The following TNS3 variants were observed in gnomAD, a reference collection of about 807,000 sequenced individuals.
The protein encoded by TNS3 is tensin 3.
A neutral mutation model predicts 140.9 loss-of-function variants in TNS3; 45 were observed. That is an observed-to-expected ratio of 0.32 (90% CI 0.25 to 0.41). The LOEUF (loss-of-function observed/expected upper bound fraction) is 0.41, where lower values mean the gene tolerates loss of function less well. Among genes scored for constraint, TNS3 ranks in the 10% least tolerant of loss-of-function variants. The pLI is 1.00. For missense variants in TNS3, 1,716 were observed against 1,906.7 expected, an observed-to-expected ratio of 0.90 and a Z score of 1.86; for synonymous variants, 815 against 788.4, an observed-to-expected ratio of 1.03 and a Z score of -0.56.
chr7:47,534,289 AT>A (rs1366112409), intron 1 of TNS3, among the ~76,000 whole-genome samples: 1 of 151,982 alleles, frequency 6.6e-6, no homozygotes, highest in Non-Finnish European at 1.5e-5. Context: ...AAAAGAAAAA[AT>A]AAATAAAGTA....
intron 16 of TNS3, among the ~76,000 whole-genome samples, chr7:47,374,313 T>C (rs1030964763): frequency 6.6e-6 from 1 of 152,186 alleles, no homozygotes; most frequent in Non-Finnish European, 1.5e-5. Context: ...GGCACCATGC[T>C]ATCTGCCATT....
chr7:47,562,394 T>C (rs1434264193), intron 1 of TNS3, among the ~76,000 whole-genome samples: 2 of 152,054 alleles, frequency 1.3e-5, no homozygotes, highest in Non-Finnish European at 2.9e-5. Flanking sequence ...CCTTTTTTTT[T>C]TTTTTTTCCC....
intron 4 of TNS3, among the ~76,000 whole-genome samples, chr7:47,447,589 T>A (rs544508440): frequency 6.6e-6 from 1 of 152,242 alleles, no homozygotes; most frequent in East Asian, 1.9e-4. Flanking sequence ...AATCCACGCA[T>A]GGCACACTAG....
At chr7:47,372,882 G>A (rs889231065) in intron 16 of TNS3, among the ~76,000 whole-genome samples, 3 of 152,162 alleles carry the variant, frequency 2.0e-5, no homozygotes, top group South Asian at 2.1e-4. Context: ...AATGTTAAAC[G>A]TACAGGAAAA....
At chr7:47,496,296 A>G (rs1798005373) in intron 3 of TNS3, among the ~76,000 whole-genome samples, 1 of 152,200 alleles carries the variant, frequency 6.6e-6, no homozygotes, top group South Asian at 2.1e-4. Flanking sequence ...GAAAGGGGCC[A>G]AGGGCTCCTG....
rs115946545 is a variant in TNS3, at chr7:47,417,317, G to A, written c.474-2111C>T. Among the ~76,000 whole-genome samples the A allele has an allele frequency of 6.1e-3, 933 of 152,370 alleles. 10 individuals are homozygous for A. The highest frequency in any genetic ancestry group is 0.021 in the African/African-American group (865 of 41,582). On this transcript the variant is annotated intron_variant, in intron 10 of 30. Transcript: ENST00000311160. ...AGCTTCATTTCTGCTGATGTGGCCT[G>A]GCCGAAATTGTTGCCCCTGACACCA...
In TNS3 at chr7:47,368,709, C is replaced by G. The variant is rs779285665; in HGVS notation, c.1937G>C (p.Gly646Ala). 1 of 1,578,226 alleles carries G rather than the reference C, an allele frequency of 6.3e-7. No individual in the cohort carries two copies. The highest frequency in any genetic ancestry group is 8.6e-7 in the Non-Finnish European group (1 of 1,161,686). ...GTSSRVAVQR[G>A]VGSGPHPPDT... ...AGGGGGATGTGGCCCACTGCCTACA[C>G]CCCTCTGGACAGCCACCCTACTGCT... The change falls in exon 17 of 31, where the codon GGT becomes GCT. Residue 646 changes from glycine to alanine, a missense_variant. Physicochemically the swap from Gly to Ala is moderately conservative, Grantham distance 60. Around this residue, in one of 3 missense-constraint regions of TNS3, gnomAD observed 1,163 missense variants for 1,182.1 expected, o/e 0.98. Transcript: ENST00000311160.
chr7:47,461,162 C>T (rs191333718), intron 4 of TNS3, among the ~76,000 whole-genome samples: 3 of 152,242 alleles, frequency 2.0e-5, no homozygotes, highest in Admixed American at 6.5e-5. Flanking sequence ...CAGTGAGCCC[C>T]GCATTAAGTG....
At chr7:47,502,730 C>T (rs1399483091) in intron 3 of TNS3, among the ~76,000 whole-genome samples, 1 of 152,234 alleles carries the variant, frequency 6.6e-6, no homozygotes, top group African/African-American at 2.4e-5. Flanking sequence ...AGTGCCCAGA[C>T]GTAGCACCGG....
intron 23 of TNS3, among the ~76,000 whole-genome samples, chr7:47,300,996 T>G (rs1273342529): frequency 6.6e-6 from 1 of 152,208 alleles, no homozygotes; most frequent in African/African-American, 2.4e-5. Flanking sequence ...ACCATTTCTG[T>G]CATCTACATA....
intron 3 of TNS3, among the ~76,000 whole-genome samples, chr7:47,496,608 G>A (rs1279055565): frequency 6.6e-6 from 1 of 152,224 alleles, no homozygotes; most frequent in Admixed American, 6.5e-5. Context: ...GAGTAAAAGC[G>A]ATGGTGGCCA....
chr7:47,481,346 C>G, intron 3 of TNS3: 1 of 362,132 alleles, frequency 2.8e-6, no homozygotes, highest in Non-Finnish European at 5.1e-6. Flanking sequence ...GTCATTTTTG[C>G]TAATGTCATG....
chr7:47,297,274 T>C (rs1383155164), intron 23 of TNS3, 61 bp from the exon 24 acceptor site: 1 of 1,544,750 alleles, frequency 6.5e-7, no homozygotes, highest in African/African-American at 1.4e-5. Context: ...CTATGCCCAC[T>C]CATAACCTTG....
chr7:47,531,761 G>T (rs1321552783), intron 1 of TNS3, among the ~76,000 whole-genome samples: 3 of 152,248 alleles, frequency 2.0e-5, no homozygotes, highest in African/African-American at 7.2e-5. Context: ...CATGGAGCCG[G>T]TGGGAGCTCC....
chr7:47,297,672 G>A (rs545671704), intron 23 of TNS3, among the ~76,000 whole-genome samples: 2 of 152,276 alleles, frequency 1.3e-5, no homozygotes, highest in Admixed American at 1.3e-4. Flanking sequence ...CAGTGGGAGG[G>A]AGGCTGTCGC....
At chr7:47,293,579 GATA>G (rs1785833783) in intron 25 of TNS3, among the ~76,000 whole-genome samples, 151 bp downstream of exon 25, 1 of 152,200 alleles carries the variant, frequency 6.6e-6, no homozygotes, top group African/African-American at 2.4e-5. Flanking sequence ...TTATCTTAAA[GATA>G]ATAATGCAGA....
intron 20 of TNS3, among the ~76,000 whole-genome samples, chr7:47,335,374 T>C (rs944088961): frequency 3.9e-5 from 6 of 152,242 alleles, no homozygotes; most frequent in African/African-American, 1.4e-4. Flanking sequence ...CAGTCCTTCA[T>C]GCTAATCACA....
At chr7:47,574,838 GGTT>G (rs1800640041) in intron 1 of TNS3, among the ~76,000 whole-genome samples, 1 of 152,172 alleles carries the variant, frequency 6.6e-6, no homozygotes. Context: ...GTAGAATGGT[GGTT>G]GCCAGGGACT....
chr7:47,497,636 C>G (rs1173024108), intron 3 of TNS3, among the ~76,000 whole-genome samples: 1 of 146,570 alleles, frequency 6.8e-6, no homozygotes. Context: ...AATAAGTATT[C>G]GCCTAGTACA....
Sources: gnomAD v4.1 joint callset for allele counts (sites outside exome capture counted in the v4.1 genomes callset) on GRCh38, gnomAD v4.1.1 for gene constraint, gnomAD v4.1.1 regional missense constraint, MANE v1.5 for transcripts, NCBI Gene and HGNC (gene_info 2026-07-23, HGNC 2026-07-21) for gene names.